The following PNLDC1 variants were observed in gnomAD, a reference collection of about 807,000 sequenced individuals.
The protein encoded by PNLDC1 is poly(A)-specific ribonuclease PNLDC1.
Under a neutral mutation model 82.0 loss-of-function variants are expected in PNLDC1, and 70 were observed. That is an observed-to-expected ratio of 0.85 (90% CI 0.70 to 1.04). The LOEUF is 1.04. Ranked by LOEUF, PNLDC1 falls within the 50% of genes least tolerant of loss-of-function variation. The probability of loss-of-function intolerance (pLI) is 0.00; values close to 1 mark genes in which losing one functional copy is unlikely to be tolerated. For missense variants in PNLDC1, 631 were observed against 661.1 expected (o/e 0.95, Z 0.50); for synonymous variants, 280 against 249.3 (o/e 1.12, Z -1.16).
At chr6:159,809,820 T>C (rs1469448900) in intron 9 of PNLDC1, among the ~76,000 whole-genome samples, 1 of 152,194 alleles carries the variant, frequency 6.6e-6, no homozygotes, top group South Asian at 2.1e-4. Context: ...TGCCTCCTAC[T>C]TGTGAATTGT....
chr6:159,816,117 C>CCCCCACCCCTCCCCACCCCCCCG (rs1781806869), intron 13 of PNLDC1, 84 bp downstream of exon 13: 3 of 1,028,540 alleles, frequency 2.9e-6, no homozygotes, highest in Admixed American at 2.3e-5. Context: ...CCCTGGTTCC[C>CCCCCACCCCTCCCCACCCCCCCG]CCACACCCCT....
rs1476690127 is a variant in PNLDC1, at chr6:159,820,397, C to T, written c.1533-57C>T. On this transcript the variant is annotated intron_variant, in intron 18 of 18. Transcript: ENST00000392167. ...GGAAGGAGGAGGGGCAAGCCTGTGT[C>T]GGTGCCTCTCGGCCTGCTGGGTGCC... is the stretch of plus-strand genomic sequence containing the variant. The T allele has an allele frequency of 3.2e-5, 49 of 1,545,354 alleles. No homozygotes were observed. The Admixed American group carries it at 3.5e-4, about 11-fold the overall frequency.
At chr6:159,805,388 C>T (rs1020126183) in intron 6 of PNLDC1, among the ~76,000 whole-genome samples, 2 of 152,156 alleles carry the variant, frequency 1.3e-5, no homozygotes, top group Non-Finnish European at 2.9e-5. Flanking sequence ...ATCTGAAATG[C>T]GATGAGTGAT....
chr6:159,812,507 T>C (rs180851508), intron 11 of PNLDC1, among the ~76,000 whole-genome samples: 19 of 152,308 alleles, frequency 1.2e-4, no homozygotes, highest in Non-Finnish European at 2.4e-4. Context: ...CTCTTCTTCA[T>C]TGAGCCCTCC....
Position 159,804,006 on chromosome 6 carries a change from C to T in PNLDC1, c.290C>T (p.Thr97Met), listed in dbSNP as rs772224007. 37 of 1,612,938 alleles carry T rather than the reference C, an allele frequency of 2.3e-5. No homozygotes were observed. The highest frequency in any genetic ancestry group is 2.8e-5 in the Non-Finnish European group (33 of 1,178,986). Residue 97 changes from threonine to methionine, a missense_variant, in exon 5 of 19, where the codon ACG becomes ATG. Thr to Met is a moderately conservative substitution (Grantham distance 81). Transcript: ENST00000392167. The part of the protein sequence containing the change: ...HSCNFYLFPT[T>M]FGILDSEFSF... ...TGTAACTTCTATCTCTTCCCTACAA[C>T]GTTTGGGATTTTGGACTCAGAATTC...
intron 13 of PNLDC1, among the ~76,000 whole-genome samples, chr6:159,816,274 C>G (rs1562505699): frequency 6.7e-6 from 1 of 149,302 alleles, no homozygotes. Context: ...AACTCCTGCC[C>G]CAAATGAGCG....
chr6:159,814,025 AC>A (rs1171483028), intron 12 of PNLDC1, among the ~76,000 whole-genome samples: 1 of 151,240 alleles, frequency 6.6e-6, no homozygotes, highest in African/African-American at 2.4e-5. Context: ...GCAACTCCCC[AC>A]CCCTACCTGC....
Position 159,809,167 on chromosome 6 carries a change from A to C in PNLDC1, c.783+9A>C, listed in dbSNP as rs772619096. 4.3e-6 allele frequency: 7 copies of C among 1,613,212 alleles called. No individual in the cohort carries two copies. In the African/African-American group the frequency reaches 8.0e-5, roughly 18 times the overall value. On this transcript the variant is annotated intron_variant, in intron 9 of 18. Transcript: ENST00000392167. ...TGGTGAAAGCCCAGAAGGTAGGAAA[A>C]CATGTCTCTTTTCTTGGCCTAAAGG... is the stretch of plus-strand genomic sequence containing the variant.
chr6:159,806,129 C>A, intron 7 of PNLDC1, 46 bp downstream of exon 7: 1 of 1,431,084 alleles, frequency 7.0e-7, no homozygotes, highest in South Asian at 1.1e-5. Context: ...TGGGACAGGT[C>A]ACTGTCACCT....
chr6:159,809,452 T>TG (rs1281382797), intron 9 of PNLDC1, among the ~76,000 whole-genome samples: 1 of 41,792 alleles, frequency 2.4e-5, no homozygotes, highest in Non-Finnish European at 5.7e-5. Context: ...ACCTGGCTAA[T>TG]TTTTTTTTTT....
At chr6:159,801,241 G>T in intron 3 of PNLDC1, 55 bp downstream of exon 3, 2 of 1,501,768 alleles carry the variant, frequency 1.3e-6, no homozygotes, top group Non-Finnish European at 9.3e-7. Context: ...TATTGTCCTT[G>T]GATTTCCTAC....
chr6:159,803,520 G>T, intron 4 of PNLDC1: 1 of 591,112 alleles, frequency 1.7e-6, no homozygotes, highest in South Asian at 2.1e-5. Context: ...CGCCAGCCTT[G>T]CTCTGTACCT....
At position 159,816,049 on chromosome 6, in the gene PNLDC1, C is replaced by CATGG; in HGVS notation, c.1060+16_1060+17insATGG. On this transcript the variant is annotated intron_variant, in intron 13 of 18. Coordinates refer to ENST00000392167, the MANE Select transcript of PNLDC1 (RefSeq NM_001271862.2). Reference sequence around the variant, plus strand: ...GAGAAATATGGTACGTTCCCATGAGCCCATAATCCTTGCACAGTCGGCAGA... The same window carrying CATGG: ...GAGAAATATGGTACGTTCCCATGAGCATGGCCATAATCCTTGCACAGTCGGCAGA... The CATGG allele has an allele frequency of 6.2e-7, 1 of 1,607,460 alleles. No homozygotes were observed. Among genetic ancestry groups the CATGG allele is most frequent in the Non-Finnish European group, 8.5e-7 (1 of 1,176,492 alleles).
chr6:159,820,622 G>T lies in PNLDC1; in HGVS notation c.*105G>T. The T allele has an allele frequency of 1.8e-6, 2 of 1,114,220 alleles. No individual in the cohort carries two copies. Among genetic ancestry groups the T allele is most frequent in the South Asian group, 1.3e-5 (1 of 79,488 alleles). 69.0% of individuals were successfully genotyped at this position (1,114,220 alleles called of 1,614,324 possible). A position where few individuals can be genotyped will look rare whatever the true frequency, so the allele number is the denominator to read the frequency against. On this transcript the variant is annotated 3_prime_UTR_variant, in exon 19 of 19. Coordinates refer to ENST00000392167, the MANE Select transcript of PNLDC1 (RefSeq NM_001271862.2). ...ATTCTGTTTGCAGATGGATCTGTTT[G>T]GTCTTTTCTAGAAATTCTGTTATGT...
intron 9 of PNLDC1, among the ~76,000 whole-genome samples, chr6:159,809,451 A>ATT (rs71904720): frequency 0.012 from 1,722 of 138,592 alleles, 38 homozygotes; most frequent in African/African-American, 0.044. Context: ...TACCTGGCTA[A>ATT]TTTTTTTTTT....
chr6:159,808,924 C>T, intron 8 of PNLDC1, 91 bp from the exon 9 acceptor site: 1 of 1,586,734 alleles, frequency 6.3e-7, no homozygotes, highest in South Asian at 1.1e-5. Context: ...CTAGTTTTTC[C>T]CCCTTTCCTT....
chr6:159,802,224 G>C (rs1486673687), intron 3 of PNLDC1, among the ~76,000 whole-genome samples: 2 of 152,198 alleles, frequency 1.3e-5, no homozygotes, highest in Admixed American at 1.3e-4. Flanking sequence ...CTCCATTCCA[G>C]TAAAATGTTA....
upstream of PNLDC1, chr6:159,800,183 G>A: frequency 1.2e-6 from 1 of 862,388 alleles, no homozygotes; most frequent in South Asian, 1.9e-5. Flanking sequence ...TGGGCACGTG[G>A]GGCGGAGGCA....
intron 11 of PNLDC1, 113 bp from the exon 12 acceptor site, chr6:159,813,488 G>A (rs1309444938): frequency 1.0e-5 from 9 of 874,612 alleles, no homozygotes; most frequent in Middle Eastern, 2.2e-4. Context: ...GAAAGAGGAG[G>A]TTGTAGGAGT....
Sources: allele counts gnomAD v4.1 joint callset (sites outside exome capture counted in the v4.1 genomes callset), GRCh38; gene constraint gnomAD v4.1.1; transcripts MANE v1.5; gene names NCBI Gene and HGNC (gene_info 2026-07-23, HGNC 2026-07-21).